PRIM2: variants seen among roughly 807,000 people sequenced by gnomAD.
The protein encoded by PRIM2 is DNA primase large subunit.
In PRIM2, 39 loss-of-function variants were observed where a neutral mutation model predicts 67.3. That is an observed-to-expected ratio of 0.58 (90% CI 0.45 to 0.76). PRIM2 has a LOEUF of 0.76. Among genes scored for constraint, PRIM2 ranks in the 30% least tolerant of loss-of-function variants. PRIM2 has a pLI of 0.00. For missense variants in PRIM2, 398 were observed against 598.7 expected (o/e 0.66, Z 3.50); for synonymous variants, 143 against 198.7 (o/e 0.72, Z 2.36).
At chr6:57,504,118 C>T (rs1210763339) in intron 7 of PRIM2, among the ~76,000 whole-genome samples, 1 of 152,224 alleles carries the variant, frequency 6.6e-6, no homozygotes, top group Non-Finnish European at 1.5e-5. Flanking sequence ...CTGCTTTCCT[C>T]ATGCATAAAA....
chr6:57,369,477 G>C lies in PRIM2; in HGVS notation c.460-10424G>C, dbSNP rs549516692. Among the ~76,000 whole-genome samples the C allele has an allele frequency of 3.9e-5, 6 of 152,288 alleles. No individual in the cohort carries two copies. In the East Asian group the frequency reaches 1.2e-3, roughly 29 times the overall value. On this transcript the variant is annotated intron_variant, in intron 5 of 13. Transcript: ENST00000615550. Reference sequence around the variant, plus strand: ...TTGAAACATTCAGGTACTGACTGTTGAGTGGGTGGATATGAATAATAGGGA... The same window carrying C: ...TTGAAACATTCAGGTACTGACTGTTCAGTGGGTGGATATGAATAATAGGGA...
At chr6:57,280,089 C>T in the PRIM2 span, among the ~76,000 whole-genome samples, 2,471 of 152,244 alleles carry the variant, frequency 0.016, 53 homozygotes, top group African/African-American at 0.056. Context: ...CTCAACAGTC[C>T]TTAGGGATAC....
At chr6:57,609,939 G>A (rs1180972283) in intron 12 of PRIM2, among the ~76,000 whole-genome samples, 5 of 152,030 alleles carry the variant, frequency 3.3e-5, no homozygotes, top group African/African-American at 4.8e-5. Context: ...AACTCCAAGC[G>A]TACATTAAAA....
At chr6:57,342,055 G>A (rs538277099) in intron 5 of PRIM2, among the ~76,000 whole-genome samples, 183 of 152,274 alleles carry the variant, frequency 1.2e-3, no homozygotes, top group African/African-American at 4.1e-3. Context: ...TACCTGAGTT[G>A]TATTGTGTCC....
chr6:57,500,978 C>T (rs1429719704), intron 7 of PRIM2, among the ~76,000 whole-genome samples: 1 of 152,114 alleles, frequency 6.6e-6, no homozygotes, highest in African/African-American at 2.4e-5. Context: ...GGATTGAATC[C>T]AAGGAAAGGA....
At chr6:57,591,333 G>T (rs1776278349) in intron 10 of PRIM2, among the ~76,000 whole-genome samples, 1 of 152,116 alleles carries the variant, frequency 6.6e-6, no homozygotes, top group South Asian at 2.1e-4. Context: ...AAGAATATGT[G>T]CTAAGAAAAG....
At chr6:57,339,255 A>T (rs1448195561) in intron 5 of PRIM2, among the ~76,000 whole-genome samples, 5 of 152,252 alleles carry the variant, frequency 3.3e-5, no homozygotes, top group African/African-American at 9.6e-5. Flanking sequence ...AGGAAGAATC[A>T]ATATCGTGAA....
chr6:57,239,606 G>T, the PRIM2 span, among the ~76,000 whole-genome samples: 1 of 152,102 alleles, frequency 6.6e-6, no homozygotes, highest in Non-Finnish European at 1.5e-5. Context: ...GCAGGGTGTG[G>T]TGGCGCATGC....
chr6:57,418,403 T>G (rs1581886994), intron 7 of PRIM2, among the ~76,000 whole-genome samples: 3 of 129,792 alleles, frequency 2.3e-5, no homozygotes, highest in Non-Finnish European at 4.9e-5. Flanking sequence ...TTTTTTTTTT[T>G]TTTTTTTTTT....
At chr6:57,602,272 G>A (rs1776484694) in intron 11 of PRIM2, among the ~76,000 whole-genome samples, 1 of 152,160 alleles carries the variant, frequency 6.6e-6, no homozygotes, top group Admixed American at 6.5e-5. Context: ...AGTTGGCCAG[G>A]CTGGCGGGCC....
At chr6:57,313,050 T>G (rs147024462), upstream of PRIM2, among the ~76,000 whole-genome samples, 698 of 152,324 alleles carry the variant, frequency 4.6e-3, 8 homozygotes, top group African/African-American at 0.016. Flanking sequence ...ATTGATGACT[T>G]TATTCTTGTA....
intron 12 of PRIM2, among the ~76,000 whole-genome samples, chr6:57,613,859 T>C (rs1485936116): frequency 3.3e-5 from 5 of 152,158 alleles, no homozygotes; most frequent in African/African-American, 1.2e-4. Context: ...AATTAACTAA[T>C]TAATTTTTTG....
intron 5 of PRIM2, among the ~76,000 whole-genome samples, chr6:57,345,455 C>T (rs993780549): frequency 1.4e-5 from 2 of 142,618 alleles, no homozygotes; most frequent in African/African-American, 5.5e-5. Flanking sequence ...GCGTGAGCCA[C>T]CATGCCTGAT....
intron 7 of PRIM2, among the ~76,000 whole-genome samples, chr6:57,481,513 G>A (rs1404744693): frequency 5.3e-5 from 8 of 150,920 alleles, no homozygotes; most frequent in East Asian, 1.9e-4. Context: ...ATTATTTCTC[G>A]TTTTTGGCTA....
chr6:57,376,601 C>T (rs141722507), intron 5 of PRIM2, among the ~76,000 whole-genome samples: 1,577 of 152,134 alleles, frequency 0.01, 13 homozygotes, highest in Non-Finnish European at 0.017. Context: ...AAAGCTATTA[C>T]GATTTTATTT....
chr6:57,629,260 A>G (rs1436798050), intron 12 of PRIM2, among the ~76,000 whole-genome samples: 4 of 152,218 alleles, frequency 2.6e-5, no homozygotes, highest in Non-Finnish European at 5.9e-5. Flanking sequence ...TGTGCATCTA[A>G]GAAGTCCTAA....
chr6:57,246,439 A>G, the PRIM2 span, among the ~76,000 whole-genome samples: 1 of 152,210 alleles, frequency 6.6e-6, no homozygotes, highest in African/African-American at 2.4e-5. Flanking sequence ...GTTTTGGCCC[A>G]ACTCTTACCA....
At chr6:57,226,916 A>G in the PRIM2 span, among the ~76,000 whole-genome samples, 2 of 152,218 alleles carry the variant, frequency 1.3e-5, no homozygotes, top group African/African-American at 4.8e-5. Context: ...GACTAGTTAT[A>G]ACCCCTCACA....
chr6:57,619,125 T>C (rs1289060378), intron 12 of PRIM2, among the ~76,000 whole-genome samples: 2 of 152,238 alleles, frequency 1.3e-5, no homozygotes, highest in East Asian at 3.9e-4. Flanking sequence ...AGTACTACCA[T>C]GGTGCCAGGT....
Sources: allele counts gnomAD v4.1 joint callset (sites outside exome capture counted in the v4.1 genomes callset), GRCh38; gene constraint gnomAD v4.1.1; transcripts MANE v1.5; gene names NCBI Gene and HGNC (gene_info 2026-07-23, HGNC 2026-07-21).